Variants in RBFOX3 observed in about 807,000 individuals in gnomAD.
The protein encoded by RBFOX3 is RNA binding fox-1 homolog 3.
RBFOX3 carries 17 observed loss-of-function variants against 48.7 expected under a neutral mutation model. The ratio of observed to expected loss-of-function variants is 0.35; its 90% CI spans 0.24 to 0.52. The LOEUF is 0.52. Among genes scored for constraint, RBFOX3 ranks in the 20% least tolerant of loss-of-function variants. The pLI, the probability that RBFOX3 is intolerant of heterozygous loss-of-function variation, is 0.94. For synonymous variants in RBFOX3, 212 were observed against 209.5 expected (o/e 1.01, Z -0.10); for missense variants, 382 against 497.5 (o/e 0.77, Z 2.21).
At chr17:79,575,712 G>A (rs1312573136) in intron 1 of RBFOX3, among the ~76,000 whole-genome samples, 4 of 152,212 alleles carry the variant, frequency 2.6e-5, no homozygotes, top group African/African-American at 7.2e-5. Context: ...ATGGGGTCAA[G>A]GCACTTCCGA....
chr17:79,511,672 C>A (rs1318254658), intron 1 of RBFOX3, among the ~76,000 whole-genome samples: 1 of 150,512 alleles, frequency 6.6e-6, no homozygotes, highest in Non-Finnish European at 1.5e-5. Flanking sequence ...GACACCCACC[C>A]GGATACATGT....
At chr17:79,531,703 T>C (rs1377859424) in intron 1 of RBFOX3, among the ~76,000 whole-genome samples, 1 of 152,152 alleles carries the variant, frequency 6.6e-6, no homozygotes, top group Non-Finnish European at 1.5e-5. Flanking sequence ...TAAAGCCCTT[T>C]TTGGCAGCAA....
chr17:79,634,644 A>G, the RBFOX3 span, among the ~76,000 whole-genome samples: 4 of 152,090 alleles, frequency 2.6e-5, no homozygotes, highest in Non-Finnish European at 4.4e-5. Context: ...AGGGTAATTG[A>G]CCAACTCACC....
Position 79,481,900 on chromosome 17 carries a change from A to G in RBFOX3, c.-175+554T>C, listed in dbSNP as rs944862749. On this transcript the variant is annotated intron_variant, in intron 2 of 14. Coordinates refer to ENST00000693108, the MANE Select transcript of RBFOX3 (RefSeq NM_001350451.2). This position sits in a 1 kb window ranked among gnomAD's most constrained non-coding sequence, Gnocchi z 5.4. ...CCTGGCAGCTTGCATTCGAAGTGAGAGCCATCTTACAGAGCACTTGGCCCA... is the reference window on the plus strand; with the variant it reads ...CCTGGCAGCTTGCATTCGAAGTGAGGGCCATCTTACAGAGCACTTGGCCCA... Among the ~76,000 whole-genome samples, 1 of 152,114 alleles carries G rather than the reference A, an allele frequency of 6.6e-6. No individual in the cohort carries two copies.
At chr17:79,353,426 C>T (rs997068192) in intron 2 of RBFOX3, among the ~76,000 whole-genome samples, 2 of 152,192 alleles carry the variant, frequency 1.3e-5, no homozygotes, top group Non-Finnish European at 2.9e-5. Flanking sequence ...AGGTGCCCAA[C>T]CTGGGTGATG....
chr17:79,206,912 T>C (rs1001956194), intron 4 of RBFOX3, among the ~76,000 whole-genome samples: 6 of 152,240 alleles, frequency 3.9e-5, no homozygotes, highest in African/African-American at 9.6e-5. Flanking sequence ...GGAATGGCTT[T>C]CTTCCTCCCC....
intron 3 of RBFOX3, among the ~76,000 whole-genome samples, chr17:79,240,740 T>C (rs1352719277): frequency 2.0e-5 from 3 of 152,202 alleles, no homozygotes; most frequent in African/African-American, 7.2e-5. Flanking sequence ...CTCAGCTCAC[T>C]GCAAGCTCCG....
chr17:79,427,130 G>C (rs535552284), intron 2 of RBFOX3, among the ~76,000 whole-genome samples: 1 of 152,306 alleles, frequency 6.6e-6, no homozygotes, highest in Non-Finnish European at 1.5e-5. Context: ...ATGGTGCTCG[G>C]AGCAGTAGCT....
chr17:79,443,686 C>T lies in RBFOX3; in HGVS notation c.-175+38768G>A, dbSNP rs1288877310. On this transcript the variant is annotated intron_variant, in intron 2 of 14. Coordinates refer to ENST00000693108, the MANE Select transcript of RBFOX3 (RefSeq NM_001350451.2). This position sits in a 1 kb window ranked among gnomAD's most constrained non-coding sequence, Gnocchi z 4.4. ...GCATGAGCCACCGCACCCTCTTGTTCACTGTCTCACATGTGCACACACTCG... is the reference window on the plus strand; with the variant it reads ...GCATGAGCCACCGCACCCTCTTGTTTACTGTCTCACATGTGCACACACTCG... Among the ~76,000 whole-genome samples, 1 of 152,178 alleles carries T rather than the reference C, an allele frequency of 6.6e-6. No individual in the cohort carries two copies. The highest frequency in any genetic ancestry group is 1.5e-5 in the Non-Finnish European group (1 of 68,024).
At chr17:79,428,938 C>T (rs1346030609) in intron 2 of RBFOX3, among the ~76,000 whole-genome samples, 1 of 152,210 alleles carries the variant, frequency 6.6e-6, no homozygotes, top group Non-Finnish European at 1.5e-5. Flanking sequence ...ACAGAGTTCC[C>T]GGAGTGGCTG....
rs78771114 is a variant in RBFOX3, at chr17:79,205,716, T to C, written c.-34+30050A>G. Reference sequence around the variant, plus strand: ...ACTTCACCAAGCAGCAGCCTCCAATTATTCACAGCAGTGTTGTATTTACTG... The same window carrying C: ...ACTTCACCAAGCAGCAGCCTCCAATCATTCACAGCAGTGTTGTATTTACTG... On this transcript the variant is annotated intron_variant, in intron 4 of 14. Transcript: ENST00000693108. The surrounding 1 kb of genome is among the most constrained non-coding windows in gnomAD (Gnocchi z 4.5). 0.025 allele frequency among the ~76,000 whole-genome samples: 3,863 copies of C among 152,284 alleles called. 166 individuals are homozygous for C. Among genetic ancestry groups the C allele is most frequent in the African/African-American group, 0.087 (3,625 of 41,542 alleles).
rs1407884636 is a variant in RBFOX3, at chr17:79,311,952, C to CAGAG, written c.-174-4129_-174-4128insCTCT. 3.9e-5 allele frequency among the ~76,000 whole-genome samples: 6 copies of CAGAG among 152,172 alleles called. No homozygotes were observed. On this transcript the variant is annotated intron_variant, in intron 2 of 14. Transcript: ENST00000693108. The surrounding 1 kb of genome is among the most constrained non-coding windows in gnomAD (Gnocchi z 4.2). The stretch of plus-strand genomic sequence containing the variant: ...ACCCAGGTGCCAGCTTCAGCTCGGG[C>CAGAG]CTGAAAATCCCTCCCCGTCAGAGCT...
At chr17:79,431,269 T>C (rs1175135050) in intron 2 of RBFOX3, among the ~76,000 whole-genome samples, 1 of 152,208 alleles carries the variant, frequency 6.6e-6, no homozygotes, top group East Asian at 1.9e-4. Context: ...TACTGAACCA[T>C]TGTTCCTAGG....
intron 4 of RBFOX3, among the ~76,000 whole-genome samples, chr17:79,224,093 A>G (rs2060042479): frequency 6.6e-6 from 1 of 152,106 alleles, no homozygotes; most frequent in Non-Finnish European, 1.5e-5. Flanking sequence ...CTTCTTTCCC[A>G]AACAGTAACA....
chr17:79,425,227 C>A (rs1421013478), intron 2 of RBFOX3, among the ~76,000 whole-genome samples: 1 of 152,206 alleles, frequency 6.6e-6, no homozygotes, highest in East Asian at 1.9e-4. Flanking sequence ...TCCTGGAGCA[C>A]CCTCGTCCAG....
At chr17:79,339,493 C>T (rs560382280) in intron 2 of RBFOX3, among the ~76,000 whole-genome samples, 51 of 152,232 alleles carry the variant, frequency 3.4e-4, no homozygotes, top group Non-Finnish European at 6.2e-4. Flanking sequence ...CTCACTGGAG[C>T]TGGGTGGGTT....
intron 3 of RBFOX3, among the ~76,000 whole-genome samples, chr17:79,278,137 G>A (rs533422289): frequency 5.3e-5 from 8 of 152,344 alleles, no homozygotes; most frequent in African/African-American, 1.7e-4. Context: ...GGAAGGCTGG[G>A]AGGCTGGCCC....
intron 2 of RBFOX3, among the ~76,000 whole-genome samples, chr17:79,383,325 C>G (rs78104462): frequency 0.028 from 4,300 of 152,366 alleles, 77 homozygotes; most frequent in East Asian, 0.084. Context: ...GTGACCACTG[C>G]CTCCCCAAGC....
the RBFOX3 span, among the ~76,000 whole-genome samples, chr17:79,639,893 G>T: frequency 6.6e-6 from 1 of 152,136 alleles, no homozygotes; most frequent in African/African-American, 2.4e-5. Context: ...AAAACTGAAA[G>T]CCTTACTATA....
Sources: allele counts gnomAD v4.1 joint callset (sites outside exome capture counted in the v4.1 genomes callset), GRCh38; gene constraint gnomAD v4.1.1; non-coding constraint Gnocchi (gnomAD v3.1); transcripts MANE v1.5; gene names NCBI Gene and HGNC (gene_info 2026-07-23, HGNC 2026-07-21).